Variants in RCC1 observed in about 807,000 individuals in gnomAD.
RCC1 encodes the protein regulator of chromosome condensation.
In RCC1, 11 loss-of-function variants were observed where a neutral mutation model predicts 44.4. The ratio of observed to expected loss-of-function variants is 0.25; its 90% CI spans 0.16 to 0.41. RCC1 has a LOEUF of 0.41. RCC1 is among the 10% of genes least tolerant of loss of function. The probability of loss-of-function intolerance (pLI) is 1.00; values close to 1 mark genes in which losing one functional copy is unlikely to be tolerated. For missense variants in RCC1, 386 were observed against 547.1 expected, an observed-to-expected ratio of 0.71 and a Z score of 2.94; for synonymous variants, 213 against 216.5, an observed-to-expected ratio of 0.98 and a Z score of 0.14.
intron 7 of RCC1, among the ~76,000 whole-genome samples, chr1:28,533,834 TCTTTTCTTTTC>T (rs1664349601): frequency 2.4e-5 from 3 of 126,128 alleles, no homozygotes; most frequent in African/African-American, 3.0e-5. Flanking sequence ...TTTTTTCTTT[TCTTTTCTTTTC>T]TTTTTTTTTT....
intron 12 of RCC1, among the ~76,000 whole-genome samples, chr1:28,537,535 A>C (rs145061858): frequency 6.6e-6 from 1 of 152,226 alleles, no homozygotes; most frequent in Non-Finnish European, 1.5e-5. Context: ...GAGGAACATC[A>C]GGGCAGTCTC....
At chr1:28,513,024 C>T (rs956147104) in intron 3 of RCC1, among the ~76,000 whole-genome samples, 7 of 151,832 alleles carry the variant, frequency 4.6e-5, no homozygotes, top group Middle Eastern at 3.4e-3. Context: ...CCACCCGCCT[C>T]GGCCTCCCAA....
At chr1:28,533,706 G>C (rs1299536565) in intron 7 of RCC1, among the ~76,000 whole-genome samples, 7 of 126,814 alleles carry the variant, frequency 5.5e-5, no homozygotes, top group Admixed American at 8.4e-5. Flanking sequence ...GGAGGCGGAG[G>C]TTGCAGTGAG....
chr1:28,531,177 C>T (rs952634959), intron 5 of RCC1, among the ~76,000 whole-genome samples: 2 of 151,638 alleles, frequency 1.3e-5, no homozygotes, highest in South Asian at 4.2e-4. Flanking sequence ...TGCAATTAGC[C>T]AAGATCCACC....
At chr1:28,516,244 A>AGGCTCACGCCTGGG (rs1662887904) in intron 3 of RCC1, among the ~76,000 whole-genome samples, 1 of 142,290 alleles carries the variant, frequency 7.0e-6, no homozygotes, top group Non-Finnish European at 1.6e-5. Context: ...CTGGGCGCGG[A>AGGCTCACGCCTGGG]GGCTCACGCC....
rs1664193572 is a variant in RCC1, at chr1:28,531,830, C to T, written c.101C>T (p.Pro34Leu). The part of the protein sequence containing the change: ...KVSHRSHSTE[P>L]GLVLTLGQGD... ...TCACACAGGTCCCACAGCACAGAACCCGGCTTGGTGCTGACACTAGGCCAG... is the reference window on the plus strand; with the variant it reads ...TCACACAGGTCCCACAGCACAGAACTCGGCTTGGTGCTGACACTAGGCCAG... The change falls in exon 6 of 13, where the codon CCC (proline) becomes CTC (leucine). Residue 34 changes from proline to leucine, a missense_variant. Transcript: ENST00000683442. 3 of 1,563,578 alleles carry T rather than the reference C, an allele frequency of 1.9e-6. No homozygotes were observed. Among genetic ancestry groups the T allele is most frequent in the African/African-American group, 1.4e-5 (1 of 73,254 alleles).
chr1:28,532,130 C>T (rs374341856), intron 6 of RCC1, 41 bp from the exon 7 acceptor site: 14 of 1,597,496 alleles, frequency 8.8e-6, no homozygotes, highest in East Asian at 4.5e-5. Flanking sequence ...GAATGGACTG[C>T]GAGGCCAGAC....
chr1:28,530,721 G>A (rs1241371086), intron 5 of RCC1: 3 of 904,040 alleles, frequency 3.3e-6, no homozygotes, highest in African/African-American at 3.5e-5. Flanking sequence ...CGGGGCTGCG[G>A]GTTGGGGGGC....
chr1:28,518,300 T>G (rs1360792255), intron 4 of RCC1: 1 of 152,204 alleles, frequency 6.6e-6, no homozygotes, highest in East Asian at 1.9e-4. Context: ...GTGGCCGACG[T>G]GCACCAAGGT....
intron 4 of RCC1, among the ~76,000 whole-genome samples, chr1:28,527,788 T>A (rs1483758841): frequency 6.7e-6 from 1 of 148,446 alleles, no homozygotes; most frequent in African/African-American, 2.5e-5. Flanking sequence ...GGTGGGTGGA[T>A]CATCTGAGGT....
intron 3 of RCC1, among the ~76,000 whole-genome samples, chr1:28,511,984 T>C (rs1662578838): frequency 6.7e-6 from 1 of 149,630 alleles, no homozygotes; most frequent in African/African-American, 2.5e-5. Flanking sequence ...TCCTTTTTTT[T>C]TTTTTTTTTT....
chr1:28,524,862 A>G (rs1263683027), intron 4 of RCC1, among the ~76,000 whole-genome samples: 1 of 152,060 alleles, frequency 6.6e-6, no homozygotes, highest in Non-Finnish European at 1.5e-5. Flanking sequence ...TGAACAAATT[A>G]TGAGAGTAAA....
At chr1:28,518,340 G>A (rs1320727510) in intron 4 of RCC1, 1 of 152,180 alleles carries the variant, frequency 6.6e-6, no homozygotes, top group East Asian at 1.9e-4. Flanking sequence ...CGGAGGGTCC[G>A]GGCAGAGGGC....
At chr1:28,535,776 C>T (rs551072762) in intron 9 of RCC1, 95 bp from the exon 10 acceptor site, 1 of 1,391,814 alleles carries the variant, frequency 7.2e-7, no homozygotes, top group East Asian at 2.3e-5. Flanking sequence ...CTTAGCCTCT[C>T]AAGGGCTTTT....
chr1:28,538,339 T>G lies in RCC1; in HGVS notation c.*332T>G. ...GCTTTGCCTACTAGAAAACCAAAAC[T>G]TCCCCCCTGGGGTTTTGTGCCCACT... On this transcript the variant is annotated 3_prime_UTR_variant, in exon 13 of 13. Transcript: ENST00000683442. The G allele has an allele frequency of 1.1e-5, 2 of 181,552 alleles. No homozygotes were observed. The highest frequency in any genetic ancestry group is 2.3e-5 in the Non-Finnish European group (2 of 87,074). The allele number at this position is 181,552 out of a possible 1,614,324, so 11.2% of individuals were successfully genotyped here.
In RCC1 at chr1:28,516,755, A is replaced by G. The variant is rs1481462085; in HGVS notation, c.-122A>G. The G allele has an allele frequency of 2.0e-5, 9 of 447,176 alleles. No homozygotes were observed. The Admixed American group carries it at 2.2e-4, about 11-fold the overall frequency. 27.7% of individuals were successfully genotyped at this position (447,176 alleles called of 1,614,324 possible). ...TGAATGTGTAAGATCTTGGAGGAAG[A>G]CAGCAGAGAGAGAGAGAGAGATCAG... is the stretch of plus-strand genomic sequence containing the variant. On this transcript the variant is annotated 5_prime_UTR_variant, in exon 4 of 13. Coordinates refer to ENST00000683442, the MANE Select transcript of RCC1 (RefSeq NM_001381865.2).
In RCC1 at chr1:28,538,216, T is replaced by A; in HGVS notation, c.*209T>A. On this transcript the variant is annotated 3_prime_UTR_variant, in exon 13 of 13. Coordinates refer to ENST00000683442, the MANE Select transcript of RCC1 (RefSeq NM_001381865.2). ...GGGACCTACAGAATAAAGGGGGGGA[T>A]GGACAGGGGGTTTTCAAAAGGAACA... The A allele has an allele frequency of 2.3e-5, 10 of 433,400 alleles. No homozygotes were observed. The highest frequency in any genetic ancestry group is 3.3e-5 in the Non-Finnish European group (8 of 242,526). The allele number at this position is 433,400 out of a possible 1,614,324, so 26.8% of individuals were successfully genotyped here.
At chr1:28,517,132 A>AG (rs1056069998) in intron 4 of RCC1, among the ~76,000 whole-genome samples, 8 of 152,088 alleles carry the variant, frequency 5.3e-5, no homozygotes, top group African/African-American at 1.9e-4. Context: ...AAAAAAAAAA[A>AG]AAGTTCAGTT....
chr1:28,508,891 T>C lies in RCC1; in HGVS notation c.-167T>C. On this transcript the variant is annotated 5_prime_UTR_variant, in exon 3 of 13. Transcript: ENST00000683442. The stretch of plus-strand genomic sequence containing the variant: ...ACATTTAATTTTAGGGTCCTTTATA[T>C]AGAAGGGAGAGTAGGTAAACTGATT... 3.9e-6 allele frequency: 2 copies of C among 517,360 alleles called. No individual in the cohort carries two copies. Among genetic ancestry groups the C allele is most frequent in the South Asian group, 1.4e-5 (1 of 71,244 alleles). The allele number at this position is 517,360 out of a possible 1,614,324, so 32.0% of individuals were successfully genotyped here. A position where few individuals can be genotyped will look rare whatever the true frequency, so the allele number is the denominator to read the frequency against.
Sources: allele counts gnomAD v4.1 joint callset (sites outside exome capture counted in the v4.1 genomes callset), GRCh38; gene constraint gnomAD v4.1.1; transcripts MANE v1.5; gene names NCBI Gene and HGNC (gene_info 2026-07-23, HGNC 2026-07-21).